TRIM2: variants seen among roughly 807,000 people sequenced by gnomAD.
TRIM2 encodes tripartite motif containing 2.
In TRIM2, 20 loss-of-function variants were observed where a neutral mutation model predicts 75.2. That is an observed-to-expected ratio of 0.27 (90% confidence interval 0.19 to 0.39). The LOEUF (loss-of-function observed/expected upper bound fraction) is 0.39, where lower values mean the gene tolerates loss of function less well. TRIM2 is among the 10% of genes least tolerant of loss of function. TRIM2 has a pLI of 1.00. For missense variants in TRIM2, 660 were observed against 990.8 expected (o/e 0.67, Z 4.48); for synonymous variants, 373 against 388.3 (o/e 0.96, Z 0.46).
At chr4:153,333,907 G>T (rs1318786160) in intron 11 of TRIM2, among the ~76,000 whole-genome samples, 1 of 152,118 alleles carries the variant, frequency 6.6e-6, no homozygotes, top group Admixed American at 6.6e-5. Context: ...AGAATCTGAA[G>T]ATTTTGGTAT....
intron 1 of TRIM2, among the ~76,000 whole-genome samples, chr4:153,247,934 A>G (rs1434782627): frequency 1.3e-5 from 2 of 151,956 alleles, no homozygotes; most frequent in East Asian, 3.9e-4. Context: ...TAGTGGCCAT[A>G]ATAATGATAG....
chr4:153,261,315 C>G (rs1753526622), intron 1 of TRIM2, among the ~76,000 whole-genome samples: 1 of 152,038 alleles, frequency 6.6e-6, no homozygotes. Flanking sequence ...CCTAGCTATG[C>G]TGGAGGCTGA....
At chr4:153,276,250 A>T in intron 3 of TRIM2, 120 bp downstream of exon 3, 1 of 856,316 alleles carries the variant, frequency 1.2e-6, no homozygotes, top group South Asian at 1.6e-5. Flanking sequence ...ATCAGTAATT[A>T]AAAAAGATTT....
At chr4:153,169,139 A>G (rs1330450992) in intron 1 of TRIM2, among the ~76,000 whole-genome samples, 2 of 152,240 alleles carry the variant, frequency 1.3e-5, no homozygotes, top group Non-Finnish European at 2.9e-5. Flanking sequence ...CTAACCTAGC[A>G]CTTATTCAAA....
At chr4:153,241,289 G>A (rs1746507644) in intron 1 of TRIM2, among the ~76,000 whole-genome samples, 1 of 152,186 alleles carries the variant, frequency 6.6e-6, no homozygotes, top group African/African-American at 2.4e-5. Flanking sequence ...TGATCACACA[G>A]CTCTGGCTAA....
intron 1 of TRIM2, among the ~76,000 whole-genome samples, chr4:153,176,889 G>A (rs1316281636): frequency 6.6e-6 from 1 of 152,208 alleles, no homozygotes; most frequent in African/African-American, 2.4e-5. Context: ...GTGATTACAG[G>A]TGTGAGCCAC....
intron 1 of TRIM2, among the ~76,000 whole-genome samples, chr4:153,227,169 C>T (rs113115339): frequency 6.6e-6 from 1 of 152,276 alleles, no homozygotes; most frequent in Admixed American, 6.5e-5. Flanking sequence ...TGGCCCCAAC[C>T]TAAAATTTGT....
chr4:153,270,646 A>T, intron 2 of TRIM2, 127 bp downstream of exon 2: 1 of 781,256 alleles, frequency 1.3e-6, no homozygotes, highest in Non-Finnish European at 1.9e-6. Flanking sequence ...CTTCTGCCAG[A>T]CATTGAAAAA....
At chr4:153,191,232 A>T (rs1733156621) in intron 1 of TRIM2, among the ~76,000 whole-genome samples, 1 of 152,186 alleles carries the variant, frequency 6.6e-6, no homozygotes, top group Admixed American at 6.5e-5. Flanking sequence ...AAGTCCAATG[A>T]TGGGCTTAGT....
At position 153,324,769 on chromosome 4, in the gene TRIM2, A is replaced by G. The variant is rs187619741; in HGVS notation, c.2022+621A>G. 2.5e-3 allele frequency among the ~76,000 whole-genome samples: 387 copies of G among 152,322 alleles called. 2 individuals are homozygous for G. The highest frequency in any genetic ancestry group is 0.014 in the Middle Eastern group (4 of 294). On this transcript the variant is annotated intron_variant, in intron 10 of 11. Transcript: ENST00000338700. ...ACTCACTTACTGAAATGATGAGGAA[A>G]TATTTAGTAATATCCTAGATCAGGC...
chr4:153,248,849 G>T lies in TRIM2; in HGVS notation c.31-21486G>T, dbSNP rs1306086722. On this transcript the variant is annotated intron_variant, in intron 1 of 11. Coordinates refer to ENST00000338700, the MANE Select transcript of TRIM2 (RefSeq NM_015271.5). This position sits in a 1 kb window ranked among gnomAD's most constrained non-coding sequence, Gnocchi z 4.0. The stretch of plus-strand genomic sequence containing the variant: ...TCTGATTAGCTCCCTCTGCCAAGGT[G>T]CCCAGGCTCCTACTTCAGTGTCACC... 6.6e-6 allele frequency among the ~76,000 whole-genome samples: 1 copy of T among 152,346 alleles called. No individual in the cohort carries two copies. Among genetic ancestry groups the T allele is most frequent in the South Asian group, 2.1e-4 (1 of 4,826 alleles).
intron 1 of TRIM2, among the ~76,000 whole-genome samples, chr4:153,259,194 A>G (rs1752796419): frequency 1.3e-5 from 2 of 152,188 alleles, no homozygotes; most frequent in South Asian, 2.1e-4. Context: ...ACTAAAATCT[A>G]TACACGTTTT....
intron 1 of TRIM2, among the ~76,000 whole-genome samples, chr4:153,249,383 G>A (rs959538706): frequency 1.3e-5 from 2 of 152,242 alleles, no homozygotes; most frequent in African/African-American, 4.8e-5. Flanking sequence ...TGGCATGCGT[G>A]GCCGGGGCTG....
intron 1 of TRIM2, among the ~76,000 whole-genome samples, chr4:153,247,522 A>G (rs1749529235): frequency 6.6e-6 from 1 of 152,040 alleles, no homozygotes; most frequent in African/African-American, 2.4e-5. Context: ...CTAAAAATAC[A>G]AAAAAATTAG....
chr4:153,167,313 C>T (rs183854919), intron 1 of TRIM2, among the ~76,000 whole-genome samples: 97 of 152,250 alleles, frequency 6.4e-4, no homozygotes, highest in African/African-American at 2.0e-3. Context: ...GATCTTGCCG[C>T]GAAGATGGTA....
chr4:153,282,051 G>A (rs1759467396), intron 3 of TRIM2, among the ~76,000 whole-genome samples: 1 of 152,184 alleles, frequency 6.6e-6, no homozygotes, highest in Non-Finnish European at 1.5e-5. Flanking sequence ...TTGCATGTTA[G>A]GAATGCATAG....
At chr4:153,236,540 T>C (rs1215009976) in intron 1 of TRIM2, among the ~76,000 whole-genome samples, 1 of 152,214 alleles carries the variant, frequency 6.6e-6, no homozygotes, top group Non-Finnish European at 1.5e-5. Flanking sequence ...CAATTCTGCT[T>C]TGCATCCCAC....
At chr4:153,207,796 G>A (rs4330341) in intron 1 of TRIM2, among the ~76,000 whole-genome samples, 8 of 152,004 alleles carry the variant, frequency 5.3e-5, no homozygotes, top group African/African-American at 1.5e-4. Flanking sequence ...TCAGGGTCAC[G>A]GTTTTCTATC....
At chr4:153,313,034 A>C (rs1003170406) in intron 6 of TRIM2, among the ~76,000 whole-genome samples, 2 of 152,146 alleles carry the variant, frequency 1.3e-5, no homozygotes, top group African/African-American at 4.8e-5. Flanking sequence ...CGTTAGACAA[A>C]CAGATGTTCC....
Sources: allele counts gnomAD v4.1 joint callset (sites outside exome capture counted in the v4.1 genomes callset), GRCh38; gene constraint gnomAD v4.1.1; non-coding constraint Gnocchi (gnomAD v3.1); transcripts MANE v1.5; gene names NCBI Gene and HGNC (gene_info 2026-07-23, HGNC 2026-07-21).